Variants in CCDC126 observed in about 807,000 individuals in gnomAD.
CCDC126 encodes the protein coiled-coil domain containing 126.
Under a neutral mutation model 11.7 loss-of-function variants are expected in CCDC126, and 5 were observed. The ratio of observed to expected loss-of-function variants is 0.43; its 90% CI spans 0.22 to 0.90. The LOEUF (loss-of-function observed/expected upper bound fraction) is 0.90. Ranked by LOEUF, CCDC126 falls within the 40% of genes least tolerant of loss-of-function variation. The pLI is 0.27. For missense variants in CCDC126, 150 were observed against 163.1 expected (o/e 0.92, Z 0.44); for synonymous variants, 60 against 61.9 (o/e 0.97, Z 0.14).
chr7:23,631,319 GGCAGACCCT>G (rs1490659965), intron 3 of CCDC126, among the ~76,000 whole-genome samples: 1 of 151,994 alleles, frequency 6.6e-6, no homozygotes, highest in South Asian at 2.1e-4. Flanking sequence ...TGAATATCAG[GGCAGACCCT>G]GCAGATATCA....
chr7:23,621,577 C>T (rs1782898382), intron 3 of CCDC126, among the ~76,000 whole-genome samples: 1 of 152,192 alleles, frequency 6.6e-6, no homozygotes, highest in Non-Finnish European at 1.5e-5. Context: ...TTATTTCTTT[C>T]TCCTGCCTGA....
At chr7:23,642,173 G>A (rs1287193065) in intron 3 of CCDC126, among the ~76,000 whole-genome samples, 1 of 151,890 alleles carries the variant, frequency 6.6e-6, no homozygotes, top group East Asian at 1.9e-4. Context: ...CACCAGGCCC[G>A]GCTAATTTTT....
intron 2 of CCDC126, among the ~76,000 whole-genome samples, chr7:23,600,385 CCCA>C (rs1322962093): frequency 1.4e-5 from 2 of 145,556 alleles, no homozygotes; most frequent in Admixed American, 6.8e-5. Flanking sequence ...CCCCCCCCCC[CCCA>C]CCACCATATT....
Position 23,643,084 on chromosome 7 carries a change from A to T in CCDC126, c.392A>T (p.Lys131Ile), listed in dbSNP as rs373956167. The T allele has an allele frequency of 6.2e-7, 1 of 1,614,190 alleles. No homozygotes were observed. Among genetic ancestry groups the T allele is most frequent in the Non-Finnish European group, 8.5e-7 (1 of 1,180,020 alleles). ...SGNLVPVTTNKRTNVSGSIR is the reference protein window; with the variant it reads ...SGNLVPVTTNIRTNVSGSIR ...AATTTGGTGCCAGTAACCACAAATAAAAGAACGAATGTCTCGGGCAGTATC... is the reference window on the plus strand; with the variant it reads ...AATTTGGTGCCAGTAACCACAAATATAAGAACGAATGTCTCGGGCAGTATC... The change falls in exon 4 of 4, where the codon AAA becomes ATA. Residue 131 changes from lysine (K) to isoleucine (I), a missense_variant. By Grantham distance (102) the Lys-to-Ile change is moderately radical. Coordinates refer to ENST00000307471, the MANE Select transcript of CCDC126 (RefSeq NM_138771.4).
At chr7:23,632,896 T>C (rs1783140246) in intron 3 of CCDC126, among the ~76,000 whole-genome samples, 1 of 152,224 alleles carries the variant, frequency 6.6e-6, no homozygotes, top group Non-Finnish European at 1.5e-5. Context: ...ATATAGCATT[T>C]CTTAGGAAAA....
At chr7:23,622,485 ACTTTTC>A in intron 3 of CCDC126, 1 of 442,904 alleles carries the variant, frequency 2.3e-6, no homozygotes, top group Non-Finnish European at 4.5e-6. Context: ...AACTTTATCA[ACTTTTC>A]CTTAAAAGCG....
intron 3 of CCDC126, among the ~76,000 whole-genome samples, chr7:23,618,047 G>A (rs185309967): frequency 6.6e-5 from 10 of 152,290 alleles, no homozygotes; most frequent in African/African-American, 2.4e-4. Context: ...ATACGCATAG[G>A]ACAAGGTCTG....
At chr7:23,621,375 CTGTT>C (rs917162965) in intron 3 of CCDC126, among the ~76,000 whole-genome samples, 67 of 152,224 alleles carry the variant, frequency 4.4e-4, no homozygotes, top group Middle Eastern at 3.4e-3. Context: ...ATTTGGCTCT[CTGTT>C]TGTGTGTTAT....
chr7:23,609,922 G>A (rs2128015471), intron 2 of CCDC126, among the ~76,000 whole-genome samples: 1 of 152,292 alleles, frequency 6.6e-6, no homozygotes, highest in South Asian at 2.1e-4. Context: ...TCAGTAAGCT[G>A]TGAAATATCT....
chr7:23,629,060 A>T (rs1584211656), intron 3 of CCDC126, among the ~76,000 whole-genome samples: 1 of 152,342 alleles, frequency 6.6e-6, no homozygotes, highest in Non-Finnish European at 1.5e-5. Flanking sequence ...TAATATGAAA[A>T]TGTCCAAATT....
At chr7:23,606,997 G>C (rs912930995) in intron 2 of CCDC126, among the ~76,000 whole-genome samples, 6 of 152,068 alleles carry the variant, frequency 3.9e-5, no homozygotes, top group Non-Finnish European at 5.9e-5. Flanking sequence ...TATTCAGAAA[G>C]CTAAGGTGGG....
intron 3 of CCDC126, among the ~76,000 whole-genome samples, chr7:23,612,493 A>C (rs28675143): frequency 6.7e-6 from 1 of 150,214 alleles, no homozygotes; most frequent in Non-Finnish European, 1.5e-5. Context: ...AAAAAAAAAA[A>C]AAAAAAAACA....
intron 3 of CCDC126, among the ~76,000 whole-genome samples, chr7:23,623,832 T>G (rs1782968993): frequency 6.6e-6 from 1 of 152,248 alleles, no homozygotes; most frequent in South Asian, 2.1e-4. Flanking sequence ...CATCACTTCG[T>G]AACCCATAAA....
At chr7:23,622,465 C>T in intron 3 of CCDC126, 1 of 412,790 alleles carries the variant, frequency 2.4e-6, no homozygotes, top group East Asian at 6.4e-5. Flanking sequence ...TTTGACTCTT[C>T]TCTGATACCA....
intron 3 of CCDC126, among the ~76,000 whole-genome samples, chr7:23,639,767 A>G (rs1417558086): frequency 6.6e-6 from 1 of 152,100 alleles, no homozygotes; most frequent in Admixed American, 6.6e-5. Context: ...TTTTTTGATA[A>G]GTATTTTTTG....
chr7:23,620,080 C>T (rs1401878670), intron 3 of CCDC126, among the ~76,000 whole-genome samples: 2 of 152,156 alleles, frequency 1.3e-5, no homozygotes, highest in African/African-American at 4.8e-5. Flanking sequence ...GATTTATAAT[C>T]CTTTGGGTAC....
chr7:23,640,221 G>A (rs1403334302), intron 3 of CCDC126, among the ~76,000 whole-genome samples: 2 of 150,776 alleles, frequency 1.3e-5, no homozygotes, highest in Non-Finnish European at 2.9e-5. Context: ...CTGGGGGCTG[G>A]GCATGGTGGC....
At chr7:23,604,640 A>T (rs1022537742) in intron 2 of CCDC126, among the ~76,000 whole-genome samples, 1 of 152,132 alleles carries the variant, frequency 6.6e-6, no homozygotes, top group Non-Finnish European at 1.5e-5. Flanking sequence ...AAGTGAGGAT[A>T]TCAGGCCTTA....
rs754297249 is a variant in CCDC126 at position 23,640,991 on chromosome 7, G to GATTT, written c.239-1940_239-1939insATTT. On this transcript the variant is annotated intron_variant, in intron 3 of 3. Coordinates refer to ENST00000307471, the MANE Select transcript of CCDC126 (RefSeq NM_138771.4). ...ATCCCTCTGAGCTCTGAATCCTTTT[G>GATTT]GTTTTTTTTTTTTTTTTTTTTTTTG... 8.1e-5 allele frequency among the ~76,000 whole-genome samples: 9 copies of GATTT among 110,994 alleles called. 1 individual carries two copies. The highest frequency in any genetic ancestry group is 1.1e-4 in the African/African-American group (3 of 26,644). 72.8% of individuals were successfully genotyped at this position (110,994 alleles called of 152,430 possible). A position where few individuals can be genotyped will look rare whatever the true frequency, so the allele number is the denominator to read the frequency against.
Sources: gnomAD v4.1 joint callset for allele counts (sites outside exome capture counted in the v4.1 genomes callset) on GRCh38, gnomAD v4.1.1 for gene constraint, MANE v1.5 for transcripts, NCBI Gene and HGNC (gene_info 2026-07-23, HGNC 2026-07-21) for gene names.